Variants in IGSF21 observed in about 807,000 individuals in gnomAD.
IGSF21 encodes immunoglobulin superfamily member 21.
A neutral mutation model predicts 46.8 loss-of-function variants in IGSF21; 28 were observed. The observed-to-expected ratio is 0.60, with a 90% CI of 0.44 to 0.82. The LOEUF (loss-of-function observed/expected upper bound fraction) is 0.82. Ranked by LOEUF, IGSF21 falls within the 40% of genes least tolerant of loss-of-function variation. The pLI is 0.00. For missense variants in IGSF21, 624 were observed against 665.5 expected (o/e 0.94, Z 0.69); for synonymous variants, 284 against 273.6 (o/e 1.04, Z -0.38).
At position 18,378,451 on chromosome 1, in the gene IGSF21, G is replaced by A; in HGVS notation, c.*125G>A. The A allele has an allele frequency of 1.2e-6, 1 of 806,184 alleles. No homozygotes were observed. The highest frequency in any genetic ancestry group is 1.7e-5 in the South Asian group (1 of 58,154). The allele number at this position is 806,184 out of a possible 1,614,324, so 49.9% of individuals were successfully genotyped here. The stretch of plus-strand genomic sequence containing the variant: ...ATCTGTGTCTTGGCTTCTTCAGTCG[G>A]TTTAATTAAAACAAACAGAACAATT... On this transcript the variant is annotated 3_prime_UTR_variant, in exon 10 of 10. Transcript: ENST00000251296.
At chr1:18,339,133 C>T (rs1451376109) in intron 4 of IGSF21, among the ~76,000 whole-genome samples, 1 of 152,210 alleles carries the variant, frequency 6.6e-6, no homozygotes, top group Non-Finnish European at 1.5e-5. Context: ...CAGTTAATAC[C>T]TCACAAAAGC....
At chr1:18,225,405 C>A (rs546023337) in intron 1 of IGSF21, among the ~76,000 whole-genome samples, 2 of 152,074 alleles carry the variant, frequency 1.3e-5, no homozygotes, top group African/African-American at 2.4e-5. Flanking sequence ...TTGCCCTCCC[C>A]GCCACCGCCA....
chr1:18,290,344 G>T lies in IGSF21; in HGVS notation c.184-1522G>T, dbSNP rs1262713838. 6.6e-6 allele frequency among the ~76,000 whole-genome samples: 1 copy of T among 152,124 alleles called. No homozygotes were observed. The highest frequency in any genetic ancestry group is 1.5e-5 in the Non-Finnish European group (1 of 68,022). ...GAAGAAAGTGACGCGTGTACATGTC[G>T]CTAAGTCCCGACAGAGATAGGAGGG... On this transcript the variant is annotated intron_variant, in intron 2 of 9. Transcript: ENST00000251296. The surrounding 1 kb of genome is among the most constrained non-coding windows in gnomAD (Gnocchi z 4.2).
chr1:18,366,674 C>T (rs2086168389), intron 6 of IGSF21, among the ~76,000 whole-genome samples: 2 of 152,152 alleles, frequency 1.3e-5, no homozygotes, highest in Admixed American at 6.5e-5. Flanking sequence ...CTCCGGCTTA[C>T]ACTTTTAAGT....
intron 2 of IGSF21, among the ~76,000 whole-genome samples, chr1:18,272,024 A>G (rs147852300): frequency 0.035 from 5,275 of 152,250 alleles, 309 homozygotes; most frequent in African/African-American, 0.12. Context: ...GGTAATTTAT[A>G]AAGAAAAAGA....
intron 6 of IGSF21, among the ~76,000 whole-genome samples, chr1:18,371,588 G>A (rs1200177724): frequency 6.7e-6 from 1 of 148,322 alleles, no homozygotes; most frequent in Non-Finnish European, 1.5e-5. Context: ...AAAAAAAAAT[G>A]TTGATCAAAA....
intron 1 of IGSF21, among the ~76,000 whole-genome samples, chr1:18,118,431 C>A (rs143520743): frequency 6.6e-6 from 1 of 152,318 alleles, no homozygotes; most frequent in African/African-American, 2.4e-5. Flanking sequence ...GCATCTTGAG[C>A]TGGTGCTCAC....
chr1:18,159,442 A>G (rs1316303009), intron 1 of IGSF21, among the ~76,000 whole-genome samples: 1 of 152,128 alleles, frequency 6.6e-6, no homozygotes, highest in East Asian at 1.9e-4. Flanking sequence ...AGCTCCCATA[A>G]TTCCCATGTG....
chr1:18,306,107 T>A (rs1240298446), intron 3 of IGSF21, among the ~76,000 whole-genome samples: 1 of 152,184 alleles, frequency 6.6e-6, no homozygotes, highest in Non-Finnish European at 1.5e-5. Flanking sequence ...AAGCCCTCCA[T>A]GGGCTTCCCA....
At chr1:18,210,106 C>T (rs1038903464) in intron 1 of IGSF21, among the ~76,000 whole-genome samples, 8 of 152,126 alleles carry the variant, frequency 5.3e-5, no homozygotes, top group South Asian at 2.1e-4. Flanking sequence ...TATAACCATG[C>T]AACTGTAATA....
At chr1:18,225,220 A>G (rs1381213428) in intron 1 of IGSF21, among the ~76,000 whole-genome samples, 2 of 151,256 alleles carry the variant, frequency 1.3e-5, no homozygotes, top group Non-Finnish European at 2.9e-5. Context: ...TGTCAGAGCC[A>G]CCCCACTCCT....
intron 1 of IGSF21, among the ~76,000 whole-genome samples, chr1:18,117,789 T>C (rs1368946267): frequency 6.6e-6 from 1 of 152,348 alleles, no homozygotes; most frequent in South Asian, 2.1e-4. Flanking sequence ...GGTTTGGAAT[T>C]ACAGAGCATC....
At chr1:18,228,660 G>A (rs2084593433) in intron 2 of IGSF21, among the ~76,000 whole-genome samples, 2 of 152,198 alleles carry the variant, frequency 1.3e-5, no homozygotes, top group South Asian at 4.1e-4. Flanking sequence ...TGCCACAAAG[G>A]AATTGGGGCT....
intron 2 of IGSF21, among the ~76,000 whole-genome samples, chr1:18,272,180 AC>A (rs1440503255): frequency 2.0e-5 from 3 of 152,246 alleles, no homozygotes; most frequent in African/African-American, 7.2e-5. Flanking sequence ...CCCTTATAAA[AC>A]CATCATCTCT....
intron 1 of IGSF21, among the ~76,000 whole-genome samples, chr1:18,183,807 C>CG (rs1026343376): frequency 6.6e-6 from 1 of 151,814 alleles, no homozygotes; most frequent in Non-Finnish European, 1.5e-5. Flanking sequence ...GCGGGTGGTG[C>CG]GGGGGGAAGC....
At chr1:18,308,202 G>A (rs1297615392) in intron 3 of IGSF21, among the ~76,000 whole-genome samples, 2 of 152,162 alleles carry the variant, frequency 1.3e-5, no homozygotes, top group South Asian at 2.1e-4. Flanking sequence ...AAGAGGTGAG[G>A]AGGGAACAGA....
At chr1:18,164,891 C>T (rs1455601887) in intron 1 of IGSF21, among the ~76,000 whole-genome samples, 2 of 102,882 alleles carry the variant, frequency 1.9e-5, no homozygotes, top group African/African-American at 7.5e-5. Flanking sequence ...CCCCTCCCCC[C>T]ACCCCACAAC....
intron 1 of IGSF21, among the ~76,000 whole-genome samples, chr1:18,152,729 TCA>T (rs1557559666): frequency 6.6e-6 from 1 of 152,144 alleles, no homozygotes; most frequent in Non-Finnish European, 1.5e-5. Context: ...GCCCTTCTCA[TCA>T]TGCATTGTTA....
intron 1 of IGSF21, among the ~76,000 whole-genome samples, chr1:18,192,513 TGTTG>T (rs1370923183): frequency 6.6e-6 from 1 of 152,230 alleles, no homozygotes; most frequent in Non-Finnish European, 1.5e-5. Flanking sequence ...TCCCTACTGG[TGTTG>T]TCCTGTGACT....
Sources: gnomAD v4.1 joint callset for allele counts (sites outside exome capture counted in the v4.1 genomes callset) on GRCh38, gnomAD v4.1.1 for gene constraint, Gnocchi (gnomAD v3.1) non-coding constraint, MANE v1.5 for transcripts, NCBI Gene and HGNC (gene_info 2026-07-23, HGNC 2026-07-21) for gene names.